Variants in MEF2C observed in about 807,000 individuals in gnomAD.
MEF2C encodes myocyte enhancer factor 2C.
In MEF2C, 6 loss-of-function variants were observed where a neutral mutation model predicts 50.5. The ratio of observed to expected loss-of-function variants is 0.12; its 90% CI spans 0.07 to 0.23. MEF2C has a LOEUF of 0.23. Among genes scored for constraint, MEF2C ranks in the 10% least tolerant of loss-of-function variants. The pLI is 1.00. For missense variants in MEF2C, 276 were observed against 605.0 expected (o/e 0.46, Z 5.70); for synonymous variants, 183 against 228.0 (o/e 0.80, Z 1.78).
intron 3 of MEF2C, among the ~76,000 whole-genome samples, chr5:88,801,494 C>CT (rs35142539): frequency 1.1e-3 from 156 of 139,446 alleles, no homozygotes; most frequent in African/African-American, 2.5e-3. Flanking sequence ...TACTTGGGAA[C>CT]TTTTTTTTTT....
intron 6 of MEF2C, chr5:88,746,468 ATGACTTG>A: frequency 1.1e-6 from 1 of 933,888 alleles, no homozygotes; most frequent in Non-Finnish European, 1.3e-6. Context: ...ACAAAGTGAG[ATGACTTG>A]ATTTAGAAAA....
At chr5:88,750,286 C>T (rs1207260630) in intron 5 of MEF2C, 1 of 160,124 alleles carries the variant, frequency 6.2e-6, no homozygotes, top group Non-Finnish European at 1.3e-5. Context: ...TCACTGCAGC[C>T]TCAACCTCCC....
chr5:88,735,930 C>T (rs1763881621), intron 6 of MEF2C: 4 of 985,116 alleles, frequency 4.1e-6, no homozygotes, highest in South Asian at 9.4e-5. Context: ...TCACTTGTTT[C>T]TTTTTCTTTT....
chr5:88,879,854 A>T (rs1832266663), intron 1 of MEF2C, among the ~76,000 whole-genome samples: 1 of 152,154 alleles, frequency 6.6e-6, no homozygotes, highest in South Asian at 2.1e-4. Flanking sequence ...TTTGAAATTG[A>T]GTGTCTTGCC....
intron 3 of MEF2C, among the ~76,000 whole-genome samples, chr5:88,765,615 A>G (rs1001300837): frequency 5.9e-5 from 9 of 152,254 alleles, no homozygotes; most frequent in Non-Finnish European, 1.3e-4. Context: ...TAGCAAAATC[A>G]AAATCTCTGC....
chr5:88,841,460 T>G (rs996848523), intron 1 of MEF2C, among the ~76,000 whole-genome samples: 1 of 149,754 alleles, frequency 6.7e-6, no homozygotes, highest in Non-Finnish European at 1.5e-5. Context: ...TGAGATGTGG[T>G]TGCACAACTG....
At chr5:88,784,814 G>A (rs904648738) in intron 3 of MEF2C, among the ~76,000 whole-genome samples, 1 of 152,064 alleles carries the variant, frequency 6.6e-6, no homozygotes, top group African/African-American at 2.4e-5. Flanking sequence ...AAATGGTTTC[G>A]CAGGGTTGTA....
At chr5:88,876,600 T>C (rs142272373) in intron 1 of MEF2C, among the ~76,000 whole-genome samples, 138 of 152,118 alleles carry the variant, frequency 9.1e-4, no homozygotes, top group African/African-American at 3.3e-3. Flanking sequence ...CATTAATGTG[T>C]TTATTTTCTA....
At chr5:88,854,761 A>G (rs140848555) in intron 1 of MEF2C, among the ~76,000 whole-genome samples, 59 of 152,318 alleles carry the variant, frequency 3.9e-4, no homozygotes, top group Non-Finnish European at 6.3e-4. Context: ...ACATTTGTAC[A>G]TTATTTCCAT....
At chr5:88,877,909 T>C (rs1305972689) in intron 1 of MEF2C, 1 of 152,038 alleles carries the variant, frequency 6.6e-6, no homozygotes, top group Non-Finnish European at 1.5e-5. Flanking sequence ...TTGCAAATTA[T>C]TTTCTTTCTC....
rs34297769 is a variant in MEF2C, at chr5:88,730,028, CA to C, written c.834+182del. 0.48 allele frequency among the ~76,000 whole-genome samples: 71,166 copies of C among 147,864 alleles called. 17,672 individuals are homozygous for C. The highest frequency in any genetic ancestry group is 0.59 in the East Asian group (2,987 of 5,076). On this transcript the variant is annotated intron_variant, in intron 8 of 10. Coordinates refer to ENST00000504921, the MANE Select transcript of MEF2C (RefSeq NM_002397.5). ...ATTGAAAACAGAAAAAATATTGAAA[CA>C]AAAAAAAAAACCTGACATTCTTTTC...
intron 1 of MEF2C, among the ~76,000 whole-genome samples, chr5:88,867,493 A>C (rs564502303): frequency 5.3e-5 from 8 of 152,266 alleles, no homozygotes; most frequent in South Asian, 2.1e-4. Context: ...TACCTCATTA[A>C]GTTTTGAGGA....
chr5:88,887,035 G>A (rs764022742), upstream of MEF2C, among the ~76,000 whole-genome samples: 4 of 152,152 alleles, frequency 2.6e-5, no homozygotes, highest in Non-Finnish European at 5.9e-5. Flanking sequence ...GAACTGGGGC[G>A]GTTGCCACAG....
At chr5:88,733,042 A>G (rs1253053267) in intron 6 of MEF2C, 1 of 978,008 alleles carries the variant, frequency 1.0e-6, no homozygotes, top group Non-Finnish European at 1.2e-6. Context: ...AATCCAATAC[A>G]TACTCATGGA....
chr5:88,870,539 T>C (rs1238658952), intron 1 of MEF2C, among the ~76,000 whole-genome samples: 6 of 151,838 alleles, frequency 4.0e-5, no homozygotes, highest in Non-Finnish European at 8.8e-5. Context: ...AAATAAAAAA[T>C]GGAGAAAAAA....
At chr5:88,887,811 T>C (rs1195657445), upstream of MEF2C, among the ~76,000 whole-genome samples, 2 of 152,186 alleles carry the variant, frequency 1.3e-5, no homozygotes, top group African/African-American at 2.4e-5. Flanking sequence ...ATTTCAAAAA[T>C]TCACTAGGTG....
At chr5:88,880,578 T>C (rs1832528095) in intron 1 of MEF2C, among the ~76,000 whole-genome samples, 1 of 152,196 alleles carries the variant, frequency 6.6e-6, no homozygotes, top group South Asian at 2.1e-4. Context: ...TGCTGTTCTT[T>C]ATAAAAGAAG....
intron 1 of MEF2C, among the ~76,000 whole-genome samples, chr5:88,826,832 C>T (rs1246625960): frequency 6.6e-6 from 1 of 151,636 alleles, no homozygotes; most frequent in Admixed American, 6.6e-5. Context: ...TTCCAACAGC[C>T]TTGCCACTAC....
At chr5:88,737,117 G>C in intron 6 of MEF2C, 1 of 985,172 alleles carries the variant, frequency 1.0e-6, no homozygotes, top group Non-Finnish European at 1.2e-6. Context: ...GGCACTAAAA[G>C]GTAAGTTATT....
Sources: gnomAD v4.1 joint callset for allele counts (sites outside exome capture counted in the v4.1 genomes callset) on GRCh38, gnomAD v4.1.1 for gene constraint, MANE v1.5 for transcripts, NCBI Gene and HGNC (gene_info 2026-07-23, HGNC 2026-07-21) for gene names.